Variants in PLCG2 observed in about 807,000 individuals in gnomAD.
The protein encoded by PLCG2 is 1-phosphatidylinositol 4,5-bisphosphate phosphodiesterase gamma-2.
Under a neutral mutation model 175.6 loss-of-function variants are expected in PLCG2, and 69 were observed. The observed-to-expected ratio is 0.39, with a 90% CI of 0.32 to 0.48. The LOEUF is 0.48. PLCG2 is among the 20% of genes least tolerant of loss of function. PLCG2 has a pLI of 0.91. For missense variants in PLCG2, 1,798 were observed against 1,650.9 expected (o/e 1.09, Z -1.54); for synonymous variants, 827 against 624.0 (o/e 1.33, Z -4.85).
chr16:81,951,299 A>T (rs191529649), intron 31 of PLCG2, among the ~76,000 whole-genome samples: 12 of 152,320 alleles, frequency 7.9e-5, no homozygotes, highest in Non-Finnish European at 1.5e-4. Flanking sequence ...CCTACTTAAT[A>T]AAAGAATAAA....
chr16:81,816,030 T>G (rs933750666), intron 2 of PLCG2, among the ~76,000 whole-genome samples: 1 of 147,994 alleles, frequency 6.8e-6, no homozygotes, highest in Non-Finnish European at 1.5e-5. Flanking sequence ...CCACTGCACT[T>G]CAGCCTGGGT....
chr16:81,858,135 T>C (rs1906778139), intron 3 of PLCG2, 128 bp from the exon 4 acceptor site: 5 of 719,976 alleles, frequency 6.9e-6, no homozygotes, highest in Non-Finnish European at 1.3e-5. Flanking sequence ...ATGCTTTCTT[T>C]GCCTTCTGCA....
rs186070156 is a variant in PLCG2 at position 81,943,628 on chromosome 16, C to A, written c.3482-2547C>A. On this transcript the variant is annotated intron_variant, in intron 30 of 32. Transcript: ENST00000564138. ...AGATGCAGAATCTCAGGCCTCACCC[C>A]AGACTTCCCAAGTCAGAATCTGCAT... Among the ~76,000 whole-genome samples, 605 of 152,272 alleles carry A rather than the reference C, an allele frequency of 4.0e-3. 3 individuals carry two copies. Among genetic ancestry groups the A allele is most frequent in the Non-Finnish European group, 4.0e-3 (275 of 68,020 alleles).
chr16:81,835,582 TATAATAATA>T (rs34471641), intron 2 of PLCG2, among the ~76,000 whole-genome samples: 88 of 150,884 alleles, frequency 5.8e-4, no homozygotes, highest in Admixed American at 4.8e-3. Context: ...CGGTCTCAAA[TATAATAATA>T]ATAATAATCA....
chr16:81,744,253 C>T (rs1031923339), intron 1 of PLCG2, among the ~76,000 whole-genome samples: 6 of 151,286 alleles, frequency 4.0e-5, no homozygotes, highest in Non-Finnish European at 7.4e-5. Context: ...CTGTCAGCTC[C>T]GGCTCCTGGG....
At chr16:81,950,290 A>G (rs188185076) in intron 31 of PLCG2, among the ~76,000 whole-genome samples, 8 of 152,344 alleles carry the variant, frequency 5.3e-5, no homozygotes, top group African/African-American at 1.9e-4. Flanking sequence ...AAAAGTTAAC[A>G]TCAATCTAGA....
At chr16:81,811,638 TGTTA>T (rs1904326884) in intron 2 of PLCG2, among the ~76,000 whole-genome samples, 1 of 152,028 alleles carries the variant, frequency 6.6e-6, no homozygotes, top group Non-Finnish European at 1.5e-5. Context: ...CCTGTTCTTG[TGTTA>T]GTTTGCTGAG....
chr16:81,808,842 C>T (rs1284768964), intron 2 of PLCG2, among the ~76,000 whole-genome samples: 5 of 152,182 alleles, frequency 3.3e-5, no homozygotes, highest in African/African-American at 7.2e-5. Context: ...GGCCTGGCCT[C>T]TGTTTCCCCC....
At chr16:81,884,787 C>T (rs1223057532) in intron 9 of PLCG2, among the ~76,000 whole-genome samples, 1 of 152,024 alleles carries the variant, frequency 6.6e-6, no homozygotes, top group African/African-American at 2.4e-5. Context: ...TAAAAAACCT[C>T]TTGTCTTGCA....
At chr16:81,915,737 G>T (rs766404650) in intron 19 of PLCG2, among the ~76,000 whole-genome samples, 7 of 152,200 alleles carry the variant, frequency 4.6e-5, no homozygotes, top group Non-Finnish European at 8.8e-5. Flanking sequence ...GGGGTCCCCT[G>T]TGGAAGGAGC....
intron 31 of PLCG2, among the ~76,000 whole-genome samples, chr16:81,952,752 G>C (rs56052823): frequency 0.19 from 29,409 of 152,102 alleles, 3,705 homozygotes; most frequent in East Asian, 0.43. Context: ...AGGAATGAGG[G>C]AACTAGAAAA....
intron 16 of PLCG2, among the ~76,000 whole-genome samples, chr16:81,908,095 C>T (rs946718927): frequency 3.9e-5 from 6 of 152,182 alleles, no homozygotes; most frequent in African/African-American, 7.2e-5. Flanking sequence ...TCATCTTTCC[C>T]GCTGTTTATT....
At chr16:81,817,451 G>A (rs1053630422) in intron 2 of PLCG2, among the ~76,000 whole-genome samples, 1 of 152,218 alleles carries the variant, frequency 6.6e-6, no homozygotes, top group Non-Finnish European at 1.5e-5. Flanking sequence ...ACGCTGGAGT[G>A]CATCGTCTTG....
chr16:81,961,190 G>T lies in PLCG2; in HGVS notation c.*3192G>T. 4.4e-6 allele frequency: 1 copy of T among 228,262 alleles called. No homozygotes were observed. Among genetic ancestry groups the T allele is most frequent in the East Asian group, 6.3e-5 (1 of 15,868 alleles). The allele number at this position is 228,262 out of a possible 1,614,324, so 14.1% of individuals were successfully genotyped here. On this transcript the variant is annotated 3_prime_UTR_variant, in exon 33 of 33. Transcript: ENST00000564138. ...TACAAAGGGGTTGGAAGAATTCAGTGATTCTGCTATCATAAAGCTTCCGTT... is the reference window on the plus strand; with the variant it reads ...TACAAAGGGGTTGGAAGAATTCAGTTATTCTGCTATCATAAAGCTTCCGTT...
chr16:81,883,468 C>G, intron 9 of PLCG2, 127 bp downstream of exon 9: 1 of 694,306 alleles, frequency 1.4e-6, no homozygotes, highest in Non-Finnish European at 2.5e-6. Flanking sequence ...GCTCACCTGG[C>G]CACCTGTCTT....
At chr16:81,906,683 C>T (rs567151447) in intron 15 of PLCG2, among the ~76,000 whole-genome samples, 6 of 152,270 alleles carry the variant, frequency 3.9e-5, no homozygotes, top group East Asian at 3.9e-4. Flanking sequence ...CTTGGCCTCC[C>T]GAAGTGCTAG....
At chr16:81,816,932 G>C (rs957274921) in intron 2 of PLCG2, among the ~76,000 whole-genome samples, 1 of 152,090 alleles carries the variant, frequency 6.6e-6, no homozygotes, top group South Asian at 2.1e-4. Flanking sequence ...TTTCTAGCTG[G>C]TCTAGAGTCT....
chr16:81,744,666 G>A (rs1490680617), intron 1 of PLCG2, among the ~76,000 whole-genome samples: 3 of 152,008 alleles, frequency 2.0e-5, no homozygotes, highest in African/African-American at 4.8e-5. Flanking sequence ...TTGACCTCCT[G>A]GGCTCAAGTG....
At chr16:81,761,994 G>A (rs998006759) in intron 2 of PLCG2, among the ~76,000 whole-genome samples, 9 of 151,908 alleles carry the variant, frequency 5.9e-5, no homozygotes, top group Admixed American at 5.3e-4. Context: ...ACCACGCCCA[G>A]CTACTTTTTG....
Sources: gnomAD v4.1 joint callset for allele counts (sites outside exome capture counted in the v4.1 genomes callset) on GRCh38, gnomAD v4.1.1 for gene constraint, MANE v1.5 for transcripts, NCBI Gene and HGNC (gene_info 2026-07-23, HGNC 2026-07-21) for gene names.